The following DPP10 variants were observed in gnomAD, a reference collection of about 807,000 sequenced individuals.
DPP10 encodes the protein dipeptidyl peptidase like 10.
In DPP10, 33 loss-of-function variants were observed where a neutral mutation model predicts 120.9. The observed-to-expected ratio is 0.27, with a 90% CI of 0.21 to 0.37. The LOEUF is 0.37. Among genes scored for constraint, DPP10 ranks in the 10% least tolerant of loss-of-function variants. The probability of loss-of-function intolerance (pLI) is 1.00; values close to 1 mark genes in which losing one functional copy is unlikely to be tolerated. For missense variants in DPP10, 816 were observed against 942.8 expected (o/e 0.87, Z 1.76); for synonymous variants, 337 against 326.1 (o/e 1.03, Z -0.36).
chr2:115,660,681 C>CTTTTTTTTTTTTTTTTTTTTTTTTA (rs2088876343), intron 5 of DPP10, among the ~76,000 whole-genome samples: 1 of 23,780 alleles, frequency 4.2e-5, no homozygotes, highest in Admixed American at 5.1e-4. Context: ...TTTTTTTTTG[C>CTTTTTTTTTTTTTTTTTTTTTTTTA]TAATTTTTAT....
chr2:114,757,468 A>G lies in DPP10; in HGVS notation c.60+314630A>G, dbSNP rs182683269. On this transcript the variant is annotated intron_variant, in intron 1 of 25. Transcript: ENST00000410059. ...AAGATTCATTAATAAGAATGATTCA[A>G]TTAGTTTGCATACCAGGCTGTGCCT... Among the ~76,000 whole-genome samples, 4 of 152,194 alleles carry G rather than the reference A, an allele frequency of 2.6e-5. No individual in the cohort carries two copies. The East Asian group carries it at 5.8e-4, about 22-fold the overall frequency.
intron 1 of DPP10, among the ~76,000 whole-genome samples, chr2:114,582,694 T>G (rs182344199): frequency 6.6e-6 from 1 of 152,234 alleles, no homozygotes; most frequent in Non-Finnish European, 1.5e-5. Flanking sequence ...TGACGTATGA[T>G]GTAGAGCCTG....
chr2:115,796,910 C>A (rs1038274013), intron 19 of DPP10, among the ~76,000 whole-genome samples: 14 of 152,064 alleles, frequency 9.2e-5, no homozygotes, highest in Admixed American at 9.2e-4. Flanking sequence ...GGTTTGGACT[C>A]AAGTTTTATA....
intron 17 of DPP10, among the ~76,000 whole-genome samples, chr2:115,782,842 TG>T (rs1207096880): frequency 6.6e-6 from 1 of 152,094 alleles, no homozygotes; most frequent in African/African-American, 2.4e-5. Flanking sequence ...CTTCTAGTTT[TG>T]TATATGCACT....
At chr2:114,500,278 A>G (rs1211176978) in intron 1 of DPP10, among the ~76,000 whole-genome samples, 3 of 152,240 alleles carry the variant, frequency 2.0e-5, no homozygotes, top group African/African-American at 7.2e-5. Flanking sequence ...TGAGGTTTGC[A>G]GTTACCCTAT....
intron 1 of DPP10, among the ~76,000 whole-genome samples, chr2:114,672,777 A>G (rs2069049): frequency 0.01 from 1,550 of 152,286 alleles, 25 homozygotes; most frequent in African/African-American, 0.036. Flanking sequence ...GCAGCTTTCC[A>G]CAAGTAATTT....
chr2:115,621,576 A>G (rs2084944794), intron 5 of DPP10, among the ~76,000 whole-genome samples: 1 of 152,222 alleles, frequency 6.6e-6, no homozygotes, highest in African/African-American at 2.4e-5. Flanking sequence ...TTCAGAATGG[A>G]AAACATAACT....
At chr2:114,787,596 G>A (rs972119501) in intron 1 of DPP10, among the ~76,000 whole-genome samples, 11 of 152,150 alleles carry the variant, frequency 7.2e-5, no homozygotes, top group African/African-American at 2.4e-4. Context: ...AAGCAATGAA[G>A]CTGATGGAAA....
intron 3 of DPP10, chr2:115,468,637 T>C: frequency 2.7e-6 from 1 of 368,856 alleles, no homozygotes; most frequent in Non-Finnish European, 5.3e-6. Context: ...CCATGGGAGG[T>C]CATGCCTGAT....
intron 11 of DPP10, among the ~76,000 whole-genome samples, chr2:115,757,406 A>C (rs1341573938): frequency 6.6e-6 from 1 of 152,150 alleles, no homozygotes; most frequent in African/African-American, 2.4e-5. Flanking sequence ...TCATGGCAGA[A>C]GGCAGAGAGG....
intron 3 of DPP10, among the ~76,000 whole-genome samples, chr2:115,355,485 A>G (rs548357939): frequency 1.3e-5 from 2 of 152,154 alleles, no homozygotes; most frequent in African/African-American, 4.8e-5. Flanking sequence ...TATTGCAAAA[A>G]TTGTCTCCCA....
intron 4 of DPP10, among the ~76,000 whole-genome samples, chr2:115,510,620 G>T (rs1310935815): frequency 6.6e-6 from 1 of 152,118 alleles, no homozygotes; most frequent in East Asian, 1.9e-4. Context: ...TTGGATTTCT[G>T]TGTCCCTTAC....
At chr2:115,500,110 C>T (rs890178190) in intron 4 of DPP10, among the ~76,000 whole-genome samples, 7 of 151,930 alleles carry the variant, frequency 4.6e-5, no homozygotes, top group African/African-American at 9.6e-5. Context: ...ATCACTGTTT[C>T]GCCAACATGG....
intron 1 of DPP10, among the ~76,000 whole-genome samples, chr2:114,556,252 T>TATATATATAC (rs1688300140): frequency 7.5e-6 from 1 of 133,286 alleles, no homozygotes; most frequent in Admixed American, 7.5e-5. Flanking sequence ...TATATATATA[T>TATATATATAC]ATATATATAT....
intron 1 of DPP10, among the ~76,000 whole-genome samples, chr2:114,816,105 G>C (rs1685622166): frequency 6.6e-6 from 1 of 152,132 alleles, no homozygotes; most frequent in Non-Finnish European, 1.5e-5. Flanking sequence ...TTACAGTCTT[G>C]ACCATGCACA....
chr2:115,605,977 A>T (rs529300416), intron 5 of DPP10, among the ~76,000 whole-genome samples: 121 of 152,258 alleles, frequency 7.9e-4, no homozygotes, highest in African/African-American at 2.8e-3. Flanking sequence ...GTATCACTAG[A>T]TGATATTGTG....
intron 1 of DPP10, among the ~76,000 whole-genome samples, chr2:114,528,002 A>G (rs1685645990): frequency 1.3e-5 from 2 of 152,170 alleles, no homozygotes; most frequent in African/African-American, 2.4e-5. Flanking sequence ...GTCTCACACA[A>G]TAAAGAGATA....
chr2:115,093,235 A>G (rs1178128265), intron 1 of DPP10, among the ~76,000 whole-genome samples: 2 of 152,168 alleles, frequency 1.3e-5, no homozygotes, highest in Non-Finnish European at 2.9e-5. Flanking sequence ...GATATGTAAT[A>G]TGAGTGCTCC....
At chr2:115,028,290 T>C (rs1054663560) in intron 1 of DPP10, among the ~76,000 whole-genome samples, 2 of 152,104 alleles carry the variant, frequency 1.3e-5, no homozygotes, top group Admixed American at 6.6e-5. Context: ...ATGTTGCATC[T>C]CCATTTCCAT....
Sources: allele counts gnomAD v4.1 joint callset (sites outside exome capture counted in the v4.1 genomes callset), GRCh38; gene constraint gnomAD v4.1.1; transcripts MANE v1.5; gene names NCBI Gene and HGNC (gene_info 2026-07-23, HGNC 2026-07-21).